Variants in GFRA1 observed in about 807,000 individuals in gnomAD.
GFRA1 encodes the protein GDNF family receptor alpha-1.
In GFRA1, 16 loss-of-function variants were observed where a neutral mutation model predicts 51.6. That is an observed-to-expected ratio of 0.31 (90% CI 0.21 to 0.47). The LOEUF (loss-of-function observed/expected upper bound fraction) is 0.47, where lower values mean the gene tolerates loss of function less well. Ranked by LOEUF, GFRA1 falls within the 20% of genes least tolerant of loss-of-function variation. GFRA1 has a pLI of 1.00. For synonymous variants in GFRA1, 270 were observed against 241.3 expected, an observed-to-expected ratio of 1.12 and a Z score of -1.10; for missense variants, 530 against 594.3, an observed-to-expected ratio of 0.89 and a Z score of 1.13.
chr10:116,144,570 T>A (rs747383178), intron 5 of GFRA1, among the ~76,000 whole-genome samples: 54 of 152,122 alleles, frequency 3.5e-4, no homozygotes, highest in Admixed American at 1.0e-3. Flanking sequence ...AATCTATATG[T>A]ATGAATTGAC....
At chr10:116,144,392 G>A (rs951040793) in intron 5 of GFRA1, among the ~76,000 whole-genome samples, 1 of 151,738 alleles carries the variant, frequency 6.6e-6, no homozygotes, top group Admixed American at 6.6e-5. Flanking sequence ...TTCAATTCAA[G>A]CTAGTGAATA....
At chr10:116,232,839 C>T (rs1966765887) in intron 4 of GFRA1, among the ~76,000 whole-genome samples, 1 of 152,182 alleles carries the variant, frequency 6.6e-6, no homozygotes, top group South Asian at 2.1e-4. Flanking sequence ...TTGATAAGCC[C>T]ATTCAGAGAT....
chr10:116,079,131 G>GTC (rs1475645301), intron 9 of GFRA1, among the ~76,000 whole-genome samples: 1 of 151,936 alleles, frequency 6.6e-6, no homozygotes, highest in Non-Finnish European at 1.5e-5. Context: ...GACACCAGAG[G>GTC]TCTCTCTCTC....
chr10:116,096,824 G>A (rs571927469), intron 6 of GFRA1, 60 bp from the exon 7 acceptor site: 16 of 871,482 alleles, frequency 1.8e-5, no homozygotes, highest in African/African-American at 1.3e-4. Flanking sequence ...CTAAGCCTCC[G>A]GACAGACATG....
At chr10:116,097,155 A>G (rs1565572981) in intron 6 of GFRA1, among the ~76,000 whole-genome samples, 1 of 152,204 alleles carries the variant, frequency 6.6e-6, no homozygotes, top group Non-Finnish European at 1.5e-5. Context: ...CACACTGGGA[A>G]AATATTTACT....
intron 4 of GFRA1, among the ~76,000 whole-genome samples, chr10:116,266,074 C>T (rs185831192): frequency 6.6e-6 from 1 of 152,288 alleles, no homozygotes; most frequent in African/African-American, 2.4e-5. Context: ...CCCAACGGGC[C>T]ACTGATAATA....
chr10:116,271,134 G>A lies in GFRA1; in HGVS notation c.41-19C>T. On this transcript the variant is annotated intron_variant, in intron 2 of 10. Transcript: ENST00000355422. The stretch of plus-strand genomic sequence containing the variant: ...AGCAAGTCTGCGGGGCAGAGGGGAG[G>A]GAGCCTGAGTGCGGCGGGCGGGGAC... 6.3e-7 allele frequency: 1 copy of A among 1,587,978 alleles called. No homozygotes were observed. Among genetic ancestry groups the A allele is most frequent in the Non-Finnish European group, 8.6e-7 (1 of 1,161,720 alleles).
chr10:116,166,800 TTTTTTTTTTTTTTTG>T (rs1288235408), intron 5 of GFRA1, among the ~76,000 whole-genome samples: 2,235 of 95,810 alleles, frequency 0.023, 73 homozygotes, highest in African/African-American at 0.074. Context: ...TTTTTTTTTT[TTTTTTTTTTTTTTTG>T]TTGAGACGGA....
intron 4 of GFRA1, among the ~76,000 whole-genome samples, chr10:116,269,284 C>T (rs1969908526): frequency 6.6e-6 from 1 of 152,118 alleles, no homozygotes; most frequent in Admixed American, 6.5e-5. Context: ...GAACCTCTTC[C>T]AAACCACCAC....
Position 116,059,830 on chromosome 10 carries a change from G to C in GFRA1, c.*4568C>G, listed in dbSNP as rs549761981. On this transcript the variant is annotated 3_prime_UTR_variant, in exon 11 of 11. Transcript: ENST00000355422. ...GAGGAGAGTTAGCTGGAGGAACTTCGTATTTGGGGATTAGCATCATCTTCA... is the reference window on the plus strand; with the variant it reads ...GAGGAGAGTTAGCTGGAGGAACTTCCTATTTGGGGATTAGCATCATCTTCA... 2 of 152,198 alleles carry C rather than the reference G, an allele frequency of 1.3e-5. No homozygotes were observed. The highest frequency in any genetic ancestry group is 2.9e-5 in the Non-Finnish European group (2 of 68,042). 9.4% of individuals were successfully genotyped at this position (152,198 alleles called of 1,614,324 possible).
At chr10:116,069,744 G>A (rs574783070) in intron 9 of GFRA1, among the ~76,000 whole-genome samples, 182 of 152,274 alleles carry the variant, frequency 1.2e-3, no homozygotes, top group African/African-American at 4.3e-3. Flanking sequence ...AAAGCCTGCC[G>A]TGGTGCCAGC....
chr10:116,198,591 C>T (rs1408431081), intron 5 of GFRA1, among the ~76,000 whole-genome samples: 1 of 152,202 alleles, frequency 6.6e-6, no homozygotes, highest in African/African-American at 2.4e-5. Flanking sequence ...CCCTTTCCTG[C>T]AAAGCTACTC....
At chr10:116,229,002 AAAAAAG>A (rs1565665665) in intron 4 of GFRA1, among the ~76,000 whole-genome samples, 3 of 149,298 alleles carry the variant, frequency 2.0e-5, no homozygotes, top group African/African-American at 7.5e-5. Context: ...AAAAAAAAAA[AAAAAAG>A]AAAGGCAGGT....
intron 5 of GFRA1, among the ~76,000 whole-genome samples, chr10:116,198,599 C>T (rs893145901): frequency 2.0e-5 from 3 of 152,190 alleles, no homozygotes; most frequent in Non-Finnish European, 4.4e-5. Context: ...TGCAAAGCTA[C>T]TCGCCGTGTT....
chr10:116,206,645 T>TTTTTTTTA, intron 5 of GFRA1, among the ~76,000 whole-genome samples: 1 of 91,278 alleles, frequency 1.1e-5, no homozygotes, highest in South Asian at 3.3e-4. Context: ...TTTTTTTTTT[T>TTTTTTTTA]GAGACGGAGC....
rs1389332613 is a variant in GFRA1, at chr10:116,124,237, T to TC, written c.770+983_770+984insG. 2.3e-3 allele frequency among the ~76,000 whole-genome samples: 340 copies of TC among 147,256 alleles called. 2 individuals carry two copies. The highest frequency in any genetic ancestry group is 7.7e-3 in the African/African-American group (311 of 40,208). ...TTTCTTTTCTTCTTCTTCTTCTTCT[T>TC]TTTTTTTTTAAGACAGATTTTCACT... On this transcript the variant is annotated intron_variant, in intron 6 of 10. Coordinates refer to ENST00000355422, the MANE Select transcript of GFRA1 (RefSeq NM_005264.8).
At chr10:116,154,549 T>C (rs953247206) in intron 5 of GFRA1, among the ~76,000 whole-genome samples, 2 of 152,122 alleles carry the variant, frequency 1.3e-5, no homozygotes, top group African/African-American at 2.4e-5. Flanking sequence ...GTGGCTACCT[T>C]TGTGGGGAAA....
intron 4 of GFRA1, among the ~76,000 whole-genome samples, chr10:116,262,491 C>T (rs1969365842): frequency 4.8e-5 from 1 of 20,700 alleles, no homozygotes; most frequent in Non-Finnish European, 9.0e-5. Flanking sequence ...GATTATGACA[C>T]CATTTTTGTA....
In GFRA1 at chr10:116,272,068, A is replaced by G. The variant is rs1215363018; in HGVS notation, c.-39T>C. 1 of 1,531,334 alleles carries G rather than the reference A, an allele frequency of 6.5e-7. No homozygotes were observed. Among genetic ancestry groups the G allele is most frequent in the Non-Finnish European group, 8.8e-7 (1 of 1,130,910 alleles). 94.9% of individuals were successfully genotyped at this position (1,531,334 alleles called of 1,614,324 possible). On this transcript the variant is annotated 5_prime_UTR_variant, in exon 2 of 11. Transcript: ENST00000355422. This position sits in a 1 kb window ranked among gnomAD's most constrained non-coding sequence, Gnocchi z 4.4. Reference sequence around the variant, plus strand: ...GGCTGGTCCCCGCCCCCCCAAAAAAATCCCGAGCCGCCGCTGGGTCTTGCC... The same window carrying G: ...GGCTGGTCCCCGCCCCCCCAAAAAAGTCCCGAGCCGCCGCTGGGTCTTGCC...
Sources: gnomAD v4.1 joint callset for allele counts (sites outside exome capture counted in the v4.1 genomes callset) on GRCh38, gnomAD v4.1.1 for gene constraint, Gnocchi (gnomAD v3.1) non-coding constraint, MANE v1.5 for transcripts, NCBI Gene and HGNC (gene_info 2026-07-23, HGNC 2026-07-21) for gene names.